Variants in PTPRT observed in about 807,000 individuals in gnomAD.
The protein encoded by PTPRT is protein tyrosine phosphatase receptor type T, also known as receptor-type tyrosine-protein phosphatase T.
In PTPRT, 56 loss-of-function variants were observed where a neutral mutation model predicts 176.8. The observed-to-expected ratio is 0.32, with a 90% CI of 0.26 to 0.40. The LOEUF is 0.40. Ranked by LOEUF, PTPRT falls within the 10% of genes least tolerant of loss-of-function variation. The pLI is 1.00. For synonymous variants in PTPRT, 783 were observed against 739.0 expected, an observed-to-expected ratio of 1.06 and a Z score of -0.96; for missense variants, 1,540 against 1,908.2, an observed-to-expected ratio of 0.81 and a Z score of 3.60.
At chr20:42,228,218 T>C (rs1401568991) in intron 15 of PTPRT, among the ~76,000 whole-genome samples, 1 of 152,258 alleles carries the variant, frequency 6.6e-6, no homozygotes, top group Admixed American at 6.5e-5. Flanking sequence ...CAATTACTTT[T>C]GCACCAACAT....
intron 1 of PTPRT, among the ~76,000 whole-genome samples, chr20:43,163,890 A>G (rs2014782028): frequency 6.6e-6 from 1 of 152,210 alleles, no homozygotes; most frequent in African/African-American, 2.4e-5. Flanking sequence ...ATGTGTTCCT[A>G]AAAATGAGTT....
chr20:42,647,418 T>C (rs1402207645), intron 7 of PTPRT, among the ~76,000 whole-genome samples: 1 of 152,132 alleles, frequency 6.6e-6, no homozygotes, highest in African/African-American at 2.4e-5. Flanking sequence ...GCTGTACCCC[T>C]GGTGTCCCGT....
the PTPRT span, among the ~76,000 whole-genome samples, chr20:42,055,355 A>C: frequency 1.3e-5 from 2 of 152,118 alleles, no homozygotes; most frequent in African/African-American, 4.8e-5. Flanking sequence ...CATTCTTTTG[A>C]TGACTTAATC....
chr20:42,534,697 T>C (rs2072445203), intron 7 of PTPRT, among the ~76,000 whole-genome samples: 1 of 152,108 alleles, frequency 6.6e-6, no homozygotes, highest in Non-Finnish European at 1.5e-5. Context: ...ACACTGGCCA[T>C]ATCTTAATCA....
At chr20:42,702,829 C>T (rs1047152160) in intron 6 of PTPRT, among the ~76,000 whole-genome samples, 4 of 152,220 alleles carry the variant, frequency 2.6e-5, no homozygotes, top group Non-Finnish European at 5.9e-5. Flanking sequence ...CTCTACCTAA[C>T]ACAGTTTATA....
At chr20:42,118,649 G>A (rs1050983946) in intron 20 of PTPRT, 149 bp from the exon 21 acceptor site, 4 of 568,048 alleles carry the variant, frequency 7.0e-6, no homozygotes, top group East Asian at 3.1e-5. Context: ...TCTGAGACAC[G>A]GGCCTGAGAC....
At chr20:42,795,923 C>T (rs1362385331) in intron 2 of PTPRT, among the ~76,000 whole-genome samples, 3 of 152,184 alleles carry the variant, frequency 2.0e-5, no homozygotes, top group African/African-American at 7.2e-5. Flanking sequence ...AGATAGCCAA[C>T]AGCAGGTAAC....
chr20:42,033,635 A>G, the PTPRT span, among the ~76,000 whole-genome samples: 1 of 152,146 alleles, frequency 6.6e-6, no homozygotes, highest in Non-Finnish European at 1.5e-5. Context: ...GCCTGGGCTG[A>G]TAGTCTGGTG....
intron 1 of PTPRT, among the ~76,000 whole-genome samples, chr20:43,163,258 G>C (rs2014749406): frequency 6.6e-6 from 1 of 152,196 alleles, no homozygotes; most frequent in African/African-American, 2.4e-5. Context: ...CACAAATCTT[G>C]CTTGGAGGCC....
At chr20:43,164,190 A>G (rs1179544022) in intron 1 of PTPRT, among the ~76,000 whole-genome samples, 1 of 152,222 alleles carries the variant, frequency 6.6e-6, no homozygotes, top group East Asian at 1.9e-4. Flanking sequence ...CATGCAAAGG[A>G]GAAAACGAGT....
At chr20:42,085,122 G>A (rs954263558) in intron 28 of PTPRT, among the ~76,000 whole-genome samples, 1 of 152,122 alleles carries the variant, frequency 6.6e-6, no homozygotes, top group African/African-American at 2.4e-5. Flanking sequence ...AGCCTTCCCT[G>A]ACTCTGTTGG....
intron 1 of PTPRT, among the ~76,000 whole-genome samples, chr20:42,997,048 A>G (rs1438141766): frequency 6.6e-6 from 1 of 152,164 alleles, no homozygotes; most frequent in Non-Finnish European, 1.5e-5. Flanking sequence ...GCTCATGACC[A>G]TGGAGAATTG....
At chr20:42,586,996 T>C (rs2073482608) in intron 7 of PTPRT, among the ~76,000 whole-genome samples, 2 of 152,146 alleles carry the variant, frequency 1.3e-5, no homozygotes, top group Non-Finnish European at 2.9e-5. Context: ...CCAGCCACAC[T>C]GGCTGGGTCC....
At chr20:42,621,617 C>G (rs1422554932) in intron 7 of PTPRT, among the ~76,000 whole-genome samples, 2 of 152,204 alleles carry the variant, frequency 1.3e-5, no homozygotes, top group African/African-American at 4.8e-5. Flanking sequence ...TATAGCCTCT[C>G]AGTTTTCCTT....
chr20:42,962,584 T>C (rs1311452337), intron 1 of PTPRT, among the ~76,000 whole-genome samples: 1 of 152,176 alleles, frequency 6.6e-6, no homozygotes, highest in Non-Finnish European at 1.5e-5. Flanking sequence ...TATAAGTAAA[T>C]GACTGATCTC....
chr20:42,576,490 AG>A (rs1159173962), intron 7 of PTPRT, among the ~76,000 whole-genome samples: 2 of 152,288 alleles, frequency 1.3e-5, no homozygotes, highest in African/African-American at 4.8e-5. Flanking sequence ...AGGAGGATGA[AG>A]CTCAGAGAAT....
intron 7 of PTPRT, among the ~76,000 whole-genome samples, chr20:42,580,375 T>A (rs1418875764): frequency 3.3e-5 from 5 of 152,108 alleles, no homozygotes; most frequent in Admixed American, 3.3e-4. Context: ...TAGGATTGAC[T>A]TGGTGATGCG....
At chr20:42,592,976 T>C (rs1451816224) in intron 7 of PTPRT, among the ~76,000 whole-genome samples, 1 of 152,166 alleles carries the variant, frequency 6.6e-6, no homozygotes, top group South Asian at 2.1e-4. Flanking sequence ...TTCAAGCATA[T>C]GAAAAACTCA....
chr20:43,149,379 G>C (rs2014270998), intron 1 of PTPRT, among the ~76,000 whole-genome samples: 1 of 152,148 alleles, frequency 6.6e-6, no homozygotes, highest in South Asian at 2.1e-4. Context: ...ATTCACTGGA[G>C]AAAAGCCAAC....
Sources: allele counts gnomAD v4.1 joint callset (sites outside exome capture counted in the v4.1 genomes callset), GRCh38; gene constraint gnomAD v4.1.1; transcripts MANE v1.5; gene names NCBI Gene and HGNC (gene_info 2026-07-23, HGNC 2026-07-21).